PDE1A: variants seen among roughly 807,000 people sequenced by gnomAD.
The protein encoded by PDE1A is phosphodiesterase 1A.
PDE1A carries 35 observed loss-of-function variants against 61.7 expected under a neutral mutation model. The observed-to-expected ratio is 0.57, with a 90% CI of 0.43 to 0.75. The LOEUF (loss-of-function observed/expected upper bound fraction) is 0.75, where lower values mean the gene tolerates loss of function less well. Among genes scored for constraint, PDE1A ranks in the 30% least tolerant of loss-of-function variants. The pLI is 0.00. For missense variants in PDE1A, 597 were observed against 630.6 expected (o/e 0.95, Z 0.57); for synonymous variants, 232 against 213.2 (o/e 1.09, Z -0.77).
At chr2:182,344,713 TCTTTC>T (rs1407627083) in intron 1 of PDE1A, among the ~76,000 whole-genome samples, 3 of 143,228 alleles carry the variant, frequency 2.1e-5, no homozygotes, top group Non-Finnish European at 4.6e-5. Flanking sequence ...TTTTCTTCTT[TCTTTC>T]CTTTCTCTCT....
chr2:182,312,341 TA>T (rs1696037012), intron 1 of PDE1A, among the ~76,000 whole-genome samples: 2 of 152,166 alleles, frequency 1.3e-5, no homozygotes, highest in Admixed American at 6.6e-5. Context: ...TTGTAGATTA[TA>T]TGTTTTGTGT....
At chr2:182,409,420 T>C (rs1702484734) in intron 1 of PDE1A, among the ~76,000 whole-genome samples, 2 of 152,180 alleles carry the variant, frequency 1.3e-5, no homozygotes, top group Admixed American at 6.5e-5. Context: ...CTAGCACCTA[T>C]TAGGTAGGAG....
At chr2:182,348,696 A>C (rs1442949796) in intron 1 of PDE1A, among the ~76,000 whole-genome samples, 3 of 151,852 alleles carry the variant, frequency 2.0e-5, no homozygotes, top group African/African-American at 4.8e-5. Flanking sequence ...AGTAGTTCTT[A>C]GTTCATCTTA....
the PDE1A span, among the ~76,000 whole-genome samples, chr2:182,627,437 T>TAC: frequency 6.7e-5 from 9 of 135,100 alleles, no homozygotes; most frequent in East Asian, 1.6e-3. Flanking sequence ...TAAATATATA[T>TAC]ATATAAAATC....
intron 1 of PDE1A, among the ~76,000 whole-genome samples, chr2:182,309,079 C>A (rs1234713398): frequency 1.3e-5 from 2 of 150,526 alleles, no homozygotes; most frequent in Non-Finnish European, 3.0e-5. Context: ...GCAGAGTTTG[C>A]AAATTAACCT....
chr2:182,513,305 A>C (rs1375896530), intron 2 of PDE1A, among the ~76,000 whole-genome samples: 1 of 152,220 alleles, frequency 6.6e-6, no homozygotes, highest in Non-Finnish European at 1.5e-5. Flanking sequence ...CAGCATCCTT[A>C]CAGGAAAAAC....
At chr2:182,340,519 T>C (rs1698117465) in intron 1 of PDE1A, among the ~76,000 whole-genome samples, 1 of 152,106 alleles carries the variant, frequency 6.6e-6, no homozygotes, top group Admixed American at 6.6e-5. Context: ...AAATGGGAAG[T>C]TTGAAATTAG....
At chr2:182,587,001 G>A in the PDE1A span, among the ~76,000 whole-genome samples, 26 of 152,282 alleles carry the variant, frequency 1.7e-4, no homozygotes, top group South Asian at 5.4e-3. Flanking sequence ...TGGCAGGGGT[G>A]GGGGGTGTAA....
At chr2:182,174,471 C>G (rs1467039201) in intron 13 of PDE1A, among the ~76,000 whole-genome samples, 1 of 152,032 alleles carries the variant, frequency 6.6e-6, no homozygotes, top group Admixed American at 6.6e-5. Context: ...TCAGAAGGAG[C>G]AAGAGAAACT....
At chr2:182,288,050 A>G (rs1190826693) in intron 1 of PDE1A, among the ~76,000 whole-genome samples, 1 of 140,244 alleles carries the variant, frequency 7.1e-6, no homozygotes, top group African/African-American at 2.5e-5. Context: ...GGAAAGCCAA[A>G]TTATTGGTAC....
At chr2:182,291,899 T>C (rs1694558588) in intron 1 of PDE1A, among the ~76,000 whole-genome samples, 1 of 152,146 alleles carries the variant, frequency 6.6e-6, no homozygotes, top group African/African-American at 2.4e-5. Context: ...ATTTGGAGAA[T>C]AAATATATTC....
At chr2:182,214,035 T>G (rs1245195367) in intron 7 of PDE1A, among the ~76,000 whole-genome samples, 2 of 142,424 alleles carry the variant, frequency 1.4e-5, no homozygotes, top group Admixed American at 1.4e-4. Flanking sequence ...CGGGTTACCC[T>G]CAAAGGGAAG....
intron 1 of PDE1A, among the ~76,000 whole-genome samples, chr2:182,338,665 A>G (rs915336793): frequency 1.2e-4 from 18 of 152,050 alleles, no homozygotes; most frequent in Admixed American, 9.2e-4. Flanking sequence ...CTGGGACTAT[A>G]AGCACCTGAC....
At chr2:182,272,762 T>C (rs1255161038) in intron 1 of PDE1A, among the ~76,000 whole-genome samples, 1 of 152,104 alleles carries the variant, frequency 6.6e-6, no homozygotes, top group African/African-American at 2.4e-5. Flanking sequence ...GAAATTCGTT[T>C]TGACAGATCA....
chr2:182,434,637 C>T lies in PDE1A; in HGVS notation c.101+87639G>A, dbSNP rs118128082. 3.3e-5 allele frequency among the ~76,000 whole-genome samples: 5 copies of T among 152,044 alleles called. No individual in the cohort carries two copies. In the East Asian group the frequency reaches 9.7e-4, roughly 30 times the overall value. On this transcript the variant is annotated intron_variant, in intron 2 of 14. Coordinates refer to the PDE1A transcript ENST00000410103. ...AAAGTCCCCACCTCTACTACCACAC[C>T]GAAATCACTTGAATTTTGGAGAGGA...
intron 2 of PDE1A, among the ~76,000 whole-genome samples, chr2:182,451,830 T>C (rs1685544327): frequency 6.6e-6 from 1 of 152,132 alleles, no homozygotes; most frequent in African/African-American, 2.4e-5. Context: ...TTTGTCTTTC[T>C]TACTACTTCT....
chr2:182,566,944 A>G, the PDE1A span, among the ~76,000 whole-genome samples: 1 of 152,228 alleles, frequency 6.6e-6, no homozygotes, highest in Non-Finnish European at 1.5e-5. Flanking sequence ...CAACATAGAG[A>G]TAATTCATGA....
At chr2:182,712,621 A>G in the PDE1A span, among the ~76,000 whole-genome samples, 1 of 151,778 alleles carries the variant, frequency 6.6e-6, no homozygotes, top group African/African-American at 2.4e-5. Context: ...CAGTGGCCTG[A>G]TCTCTGCTCA....
At chr2:182,338,173 A>G (rs528243118) in intron 1 of PDE1A, among the ~76,000 whole-genome samples, 1 of 152,302 alleles carries the variant, frequency 6.6e-6, no homozygotes, top group Non-Finnish European at 1.5e-5. Context: ...TGAGGCCACA[A>G]GAGAAGTGAG....
Sources: gnomAD v4.1 joint callset for allele counts (sites outside exome capture counted in the v4.1 genomes callset) on GRCh38, gnomAD v4.1.1 for gene constraint, MANE v1.5 for transcripts, NCBI Gene and HGNC (gene_info 2026-07-23, HGNC 2026-07-21) for gene names.